PPP2R2B: variants seen among roughly 807,000 people sequenced by gnomAD.
PPP2R2B encodes the protein protein phosphatase 2 regulatory subunit Bbeta.
In PPP2R2B, 5 loss-of-function variants were observed where a neutral mutation model predicts 46.0. The ratio of observed to expected loss-of-function variants is 0.11; its 90% CI spans 0.06 to 0.23. The LOEUF (loss-of-function observed/expected upper bound fraction) is 0.23. Among genes scored for constraint, PPP2R2B ranks in the 10% least tolerant of loss-of-function variants. The pLI, the probability that PPP2R2B is intolerant of heterozygous loss-of-function variation, is 1.00. For synonymous variants in PPP2R2B, 215 were observed against 206.7 expected (o/e 1.04, Z -0.34); for missense variants, 367 against 575.0 (o/e 0.64, Z 3.70).
intron 1 of PPP2R2B, among the ~76,000 whole-genome samples, chr5:146,904,453 T>C (rs1204021143): frequency 3.3e-5 from 5 of 152,156 alleles, no homozygotes; most frequent in Non-Finnish European, 7.4e-5. Flanking sequence ...AGCCCAGTCC[T>C]GGGGTAGGAG....
chr5:147,019,885 C>T (rs187512734), intron 1 of PPP2R2B, among the ~76,000 whole-genome samples: 4 of 152,264 alleles, frequency 2.6e-5, no homozygotes, highest in Non-Finnish European at 5.9e-5. Flanking sequence ...GAATACACCG[C>T]TCAGATCTCG....
chr5:146,904,293 C>T (rs762194339), intron 1 of PPP2R2B, among the ~76,000 whole-genome samples: 2 of 152,054 alleles, frequency 1.3e-5, no homozygotes, highest in South Asian at 2.1e-4. Flanking sequence ...GGTCAGTATT[C>T]TGGGGAAGAA....
At chr5:146,886,269 G>T (rs980826843) in intron 1 of PPP2R2B, among the ~76,000 whole-genome samples, 7 of 152,048 alleles carry the variant, frequency 4.6e-5, no homozygotes, top group Admixed American at 3.9e-4. Context: ...AACCCAGGAG[G>T]CGGAGCTTGC....
At chr5:147,019,814 C>G (rs1755177597) in intron 1 of PPP2R2B, among the ~76,000 whole-genome samples, 2 of 152,122 alleles carry the variant, frequency 1.3e-5, no homozygotes, top group Admixed American at 6.6e-5. Flanking sequence ...TAAAATATTT[C>G]CTAGAGAAGC....
At chr5:147,046,070 T>G (rs1341104749) in intron 1 of PPP2R2B, among the ~76,000 whole-genome samples, 1 of 152,176 alleles carries the variant, frequency 6.6e-6, no homozygotes, top group Non-Finnish European at 1.5e-5. Flanking sequence ...TTAGATTAAT[T>G]TATTTGCCTT....
intron 2 of PPP2R2B, among the ~76,000 whole-genome samples, chr5:146,777,673 A>G (rs987599288): frequency 2.0e-5 from 3 of 152,200 alleles, no homozygotes; most frequent in Admixed American, 6.5e-5. Flanking sequence ...TATTATAAAC[A>G]TCATTGTTGG....
chr5:147,059,512 T>C (rs1028495815), upstream of PPP2R2B, among the ~76,000 whole-genome samples: 1 of 151,984 alleles, frequency 6.6e-6, no homozygotes, highest in Non-Finnish European at 1.5e-5. Flanking sequence ...TCTAAAGCAA[T>C]GGCAGAGGTT....
intron 2 of PPP2R2B, among the ~76,000 whole-genome samples, chr5:146,874,990 A>G (rs529312927): frequency 7.9e-5 from 12 of 152,202 alleles, no homozygotes; most frequent in Non-Finnish European, 1.5e-4. Context: ...AACCATTGCA[A>G]TCTTTCCCAG....
intron 5 of PPP2R2B, among the ~76,000 whole-genome samples, chr5:146,654,247 G>C (rs1776176184): frequency 6.6e-6 from 1 of 152,136 alleles, no homozygotes; most frequent in East Asian, 1.9e-4. Flanking sequence ...AGATTCCTCT[G>C]TTTGCCCCAT....
chr5:146,873,661 G>A (rs1761736949), intron 2 of PPP2R2B, among the ~76,000 whole-genome samples: 1 of 152,116 alleles, frequency 6.6e-6, no homozygotes, highest in Non-Finnish European at 1.5e-5. Context: ...CACCAGACTG[G>A]AGTGCGGTGT....
chr5:146,995,825 T>C lies in PPP2R2B; in HGVS notation c.79+59840A>G, dbSNP rs537907779. ...TGGGCAGGCACACAGGAGAGCAAGA[T>C]TTCCCCTCCCTGACTTCTTAGAGGT... On this transcript the variant is annotated intron_variant, in intron 1 of 8. Coordinates refer to the PPP2R2B transcript ENST00000336640. Among the ~76,000 whole-genome samples the C allele has an allele frequency of 8.0e-4, 122 of 152,290 alleles. 4 individuals carry two copies. In the Middle Eastern group the frequency reaches 0.044, roughly 55 times the overall value.
At chr5:146,657,424 G>A (rs976404604) in intron 5 of PPP2R2B, among the ~76,000 whole-genome samples, 2 of 152,164 alleles carry the variant, frequency 1.3e-5, no homozygotes, top group African/African-American at 4.8e-5. Flanking sequence ...GATGTGGATG[G>A]ATTTTAGCTG....
At chr5:146,825,398 C>T (rs577861411) in intron 2 of PPP2R2B, among the ~76,000 whole-genome samples, 9 of 152,302 alleles carry the variant, frequency 5.9e-5, no homozygotes, top group Admixed American at 2.6e-4. Flanking sequence ...TCCTAACAAG[C>T]TTTGATTTGT....
In PPP2R2B at chr5:146,657,976, G is replaced by A. The variant is rs115835764; in HGVS notation, c.448-7252C>T. ...CATAGGAAGGTTATAACCACACACT[G>A]GCCCCAGATAAGGCCTTCAACAAAC... On this transcript the variant is annotated intron_variant, in intron 5 of 9. Transcript: ENST00000394411. Among the ~76,000 whole-genome samples, 1,331 of 152,222 alleles carry A rather than the reference G, an allele frequency of 8.7e-3. 22 individuals carry two copies. Among genetic ancestry groups the A allele is most frequent in the African/African-American group, 0.03 (1,265 of 41,530 alleles).
intron 2 of PPP2R2B, among the ~76,000 whole-genome samples, chr5:146,702,590 CT>C (rs1197713264): frequency 2.4e-4 from 36 of 152,310 alleles, no homozygotes; most frequent in Non-Finnish European, 5.0e-4. Flanking sequence ...CATGTATTGC[CT>C]GATGTTCTCA....
rs7728340 is a variant in PPP2R2B, at chr5:146,581,572, G to A, written c.*8375C>T. 0.088 allele frequency: 13,417 copies of A among 152,134 alleles called. 1,287 individuals carry two copies. Among genetic ancestry groups the A allele is most frequent in the African/African-American group, 0.24 (9,991 of 41,452 alleles). 9.4% of individuals were successfully genotyped at this position (152,134 alleles called of 1,614,324 possible). On this transcript the variant is annotated 3_prime_UTR_variant, in exon 10 of 10. Transcript: ENST00000394411. ...AAAAATAATATGAAAAATAAGAACTGTTGTCCTTCTTCTCGTCAGGGAGGA... is the reference window on the plus strand; with the variant it reads ...AAAAATAATATGAAAAATAAGAACTATTGTCCTTCTTCTCGTCAGGGAGGA...
intron 1 of PPP2R2B, among the ~76,000 whole-genome samples, chr5:147,025,117 A>G (rs1327143540): frequency 6.6e-6 from 1 of 152,114 alleles, no homozygotes; most frequent in Middle Eastern, 3.2e-3. Context: ...TAGGTCTTAC[A>G]GACTTTAAGA....
At chr5:146,898,409 C>T (rs909243518) in intron 1 of PPP2R2B, among the ~76,000 whole-genome samples, 6 of 152,072 alleles carry the variant, frequency 3.9e-5, no homozygotes, top group African/African-American at 9.7e-5. Flanking sequence ...GCTGGGAAAA[C>T]GGGCTAGTCA....
intron 5 of PPP2R2B, among the ~76,000 whole-genome samples, chr5:146,678,255 T>A (rs1047083133): frequency 6.6e-6 from 1 of 151,840 alleles, no homozygotes; most frequent in Admixed American, 6.6e-5. Flanking sequence ...AATCAATAAA[T>A]GTAATCCAGC....
Sources: gnomAD v4.1 joint callset for allele counts (sites outside exome capture counted in the v4.1 genomes callset) on GRCh38, gnomAD v4.1.1 for gene constraint, MANE v1.5 for transcripts, NCBI Gene and HGNC (gene_info 2026-07-23, HGNC 2026-07-21) for gene names.